Variants in AACS observed in about 807,000 individuals in gnomAD.
The protein encoded by AACS is acetoacetate-CoA ligase.
Under a neutral mutation model 83.1 loss-of-function variants are expected in AACS, and 69 were observed. That is an observed-to-expected ratio of 0.83 (90% CI 0.68 to 1.01). The LOEUF (loss-of-function observed/expected upper bound fraction) is 1.01. Ranked by LOEUF, AACS falls within the 50% of genes least tolerant of loss-of-function variation. AACS has a pLI of 0.00. For missense variants in AACS, 866 were observed against 882.2 expected (o/e 0.98, Z 0.23); for synonymous variants, 333 against 343.4 (o/e 0.97, Z 0.33).
At chr12:125,098,572 C>T (rs1055007052) in intron 5 of AACS, among the ~76,000 whole-genome samples, 9 of 152,112 alleles carry the variant, frequency 5.9e-5, no homozygotes, top group African/African-American at 2.2e-4. Flanking sequence ...CTGCCTCAGC[C>T]TTCCAAGTAG....
intron 8 of AACS, among the ~76,000 whole-genome samples, chr12:125,108,422 C>T (rs1956879662): frequency 6.6e-6 from 1 of 152,176 alleles, no homozygotes; most frequent in Non-Finnish European, 1.5e-5. Flanking sequence ...GGATCTGGGC[C>T]TGCTCTGACA....
rs186429506 is a variant in AACS, at chr12:125,113,129, G to A, written c.916-1348G>A. ...CGGTTGCCTGTTTGGGATGGACTCCGGAATAGGAGTTTTGGCTCCTGAATG... is the reference window on the plus strand; with the variant it reads ...CGGTTGCCTGTTTGGGATGGACTCCAGAATAGGAGTTTTGGCTCCTGAATG... On this transcript the variant is annotated intron_variant, in intron 8 of 17. Coordinates refer to ENST00000316519, the MANE Select transcript of AACS (RefSeq NM_023928.5). This position sits in a 1 kb window ranked among gnomAD's most constrained non-coding sequence, Gnocchi z 4.8. 1.9e-3 allele frequency among the ~76,000 whole-genome samples: 292 copies of A among 152,328 alleles called. 2 individuals are homozygous for A. Among genetic ancestry groups the A allele is most frequent in the African/African-American group, 6.5e-3 (271 of 41,572 alleles).
intron 10 of AACS, 106 bp from the exon 11 acceptor site, chr12:125,124,599 C>G (rs1957214308): frequency 2.2e-6 from 3 of 1,392,868 alleles, no homozygotes; most frequent in East Asian, 2.3e-5. Context: ...AAACTGCTCT[C>G]TCTTGGGTTT....
chr12:125,076,682 A>C, intron 3 of AACS, 71 bp downstream of exon 3: 1 of 1,581,418 alleles, frequency 6.3e-7, no homozygotes. Context: ...GCGGTGCCAC[A>C]TATTTGGAGA....
chr12:125,125,304 G>A (rs1957230868), intron 12 of AACS, among the ~76,000 whole-genome samples: 1 of 152,186 alleles, frequency 6.6e-6, no homozygotes, highest in African/African-American at 2.4e-5. Context: ...ATCTTGGTAG[G>A]TTCTACATTT....
intron 6 of AACS, 73 bp downstream of exon 6, chr12:125,102,866 C>A: frequency 6.7e-7 from 1 of 1,482,860 alleles, no homozygotes; most frequent in African/African-American, 1.4e-5. Flanking sequence ...TGCCAGGAGT[C>A]AATCTGGGTA....
intron 1 of AACS, among the ~76,000 whole-genome samples, chr12:125,073,161 C>T (rs984634546): frequency 5.3e-5 from 8 of 152,086 alleles, no homozygotes; most frequent in Non-Finnish European, 1.2e-4. Context: ...AGCTCCTGAC[C>T]TGGTGATCCA....
At chr12:125,139,243 C>G (rs545024824) in intron 17 of AACS, 2 of 152,378 alleles carry the variant, frequency 1.3e-5, no homozygotes, top group Non-Finnish European at 2.9e-5. Flanking sequence ...ATCTGTGACA[C>G]GAGGAGAGGA....
intron 14 of AACS, 130 bp from the exon 15 acceptor site, chr12:125,133,872 GC>G (rs1259221642): frequency 7.1e-6 from 6 of 849,966 alleles, no homozygotes; most frequent in East Asian, 5.3e-5. Flanking sequence ...GCTCCCTCTG[GC>G]CCCCAGCCCC....
At position 125,124,675 on chromosome 12, in the gene AACS, C is replaced by T. The variant is rs761440706; in HGVS notation, c.1122-30C>T. 24 of 1,612,016 alleles carry T rather than the reference C, an allele frequency of 1.5e-5. No homozygotes were observed. The South Asian group carries it at 2.5e-4, about 17-fold the overall frequency. Reference sequence around the variant, plus strand: ...TTGGTGCAAGAGCCTTGAAGAGTTTCTGGTGTTTTCTTTCCCGCCTGCACC... The same window carrying T: ...TTGGTGCAAGAGCCTTGAAGAGTTTTTGGTGTTTTCTTTCCCGCCTGCACC... On this transcript the variant is annotated intron_variant, in intron 10 of 17. Transcript: ENST00000316519.
chr12:125,120,600 G>T (rs1957136941), intron 10 of AACS: 1 of 152,156 alleles, frequency 6.6e-6, no homozygotes, highest in African/African-American at 2.4e-5. Context: ...CAGGCTCCAG[G>T]TGGAGGAACT....
At chr12:125,072,874 C>T (rs1955907366) in intron 1 of AACS, among the ~76,000 whole-genome samples, 1 of 148,466 alleles carries the variant, frequency 6.7e-6, no homozygotes, top group African/African-American at 2.5e-5. Flanking sequence ...AAAAGTTAGA[C>T]TGTTGTGGAA....
At chr12:125,139,661 CAA>C (rs1458856802) in intron 17 of AACS, 2 of 152,334 alleles carry the variant, frequency 1.3e-5, no homozygotes, top group Non-Finnish European at 2.9e-5. Context: ...GCTCTCTGTG[CAA>C]AAGTCAGAGA....
intron 8 of AACS, among the ~76,000 whole-genome samples, chr12:125,112,036 T>C (rs1956964029): frequency 6.6e-6 from 1 of 152,196 alleles, no homozygotes; most frequent in South Asian, 2.1e-4. Flanking sequence ...TAAGTGCTGA[T>C]TTTAAGTGAA....
chr12:125,138,643 T>C (rs1957433655), intron 17 of AACS: 1 of 152,250 alleles, frequency 6.6e-6, no homozygotes, highest in Non-Finnish European at 1.5e-5. Flanking sequence ...AGCACCTTTC[T>C]TTCCCTGGTT....
At chr12:125,110,362 C>G (rs992289324) in intron 8 of AACS, among the ~76,000 whole-genome samples, 1 of 152,136 alleles carries the variant, frequency 6.6e-6, no homozygotes, top group African/African-American at 2.4e-5. Context: ...TGAGCCGTCA[C>G]GCCCAGCTGA....
At chr12:125,074,660 GT>G (rs869194296) in intron 2 of AACS, among the ~76,000 whole-genome samples, 333 of 122,134 alleles carry the variant, frequency 2.7e-3, no homozygotes, top group East Asian at 4.4e-3. Flanking sequence ...CATTGTTGTA[GT>G]TTTTTTTTTT....
In AACS at chr12:125,139,306, G is replaced by A. The variant is rs1237435245; in HGVS notation, c.1881+2442G>A. 3 of 152,370 alleles carry A rather than the reference G, an allele frequency of 2.0e-5. No homozygotes were observed. The East Asian group carries it at 5.8e-4, about 29-fold the overall frequency. 9.4% of individuals were successfully genotyped at this position (152,370 alleles called of 1,614,324 possible). A position where few individuals can be genotyped will look rare whatever the true frequency, so the allele number is the denominator to read the frequency against. On this transcript the variant is annotated intron_variant, in intron 17 of 17. Transcript: ENST00000316519. ...GGTGGTGATGCGGCACCATTGGAGT[G>A]AGCGGCCCCGGGGGACTGGGGAGGC...
rs748145062 is a variant in AACS, at chr12:125,133,983, C to T, written c.1550-20C>T. ...GCCCCTTCTCCTCGGGATGACCGGG[C>T]ACCTCTGCTGTCTTTGCAGGTATCT... On this transcript the variant is annotated intron_variant, in intron 14 of 17. Transcript: ENST00000316519. 17 of 1,613,876 alleles carry T rather than the reference C, an allele frequency of 1.1e-5. No individual in the cohort carries two copies. The East Asian group carries it at 2.9e-4, about 27-fold the overall frequency.
Sources: gnomAD v4.1 joint callset for allele counts (sites outside exome capture counted in the v4.1 genomes callset) on GRCh38, gnomAD v4.1.1 for gene constraint, Gnocchi (gnomAD v3.1) non-coding constraint, MANE v1.5 for transcripts, NCBI Gene and HGNC (gene_info 2026-07-23, HGNC 2026-07-21) for gene names.